Variants in MID1 observed in about 807,000 individuals in gnomAD.
MID1 encodes the protein E3 ubiquitin-protein ligase Midline-1.
MID1 carries 7 observed loss-of-function variants against 40.4 expected under a neutral mutation model. The observed-to-expected ratio is 0.17, with a 90% confidence interval of 0.10 to 0.33. The LOEUF is 0.33. MID1 is among the 10% of genes least tolerant of loss of function. The pLI is 1.00. For synonymous variants in MID1, 229 were observed against 221.2 expected, an observed-to-expected ratio of 1.04 and a Z score of -0.31; for missense variants, 367 against 558.5, an observed-to-expected ratio of 0.66 and a Z score of 3.46.
At chrX:10,576,077 T>A (rs1047358473) in intron 1 of MID1, among the ~76,000 whole-genome samples, 1 of 109,602 alleles carries the variant, frequency 9.1e-6, no homozygotes, top group Non-Finnish European at 1.9e-5. Flanking sequence ...ATACAATAGA[T>A]ATTTTGAATA....
At chrX:10,488,443 C>T (rs1930744278) in intron 4 of MID1, among the ~76,000 whole-genome samples, 1 of 112,142 alleles carries the variant, frequency 8.9e-6, no homozygotes, top group Non-Finnish European at 1.9e-5. Flanking sequence ...GGCTCTGGTT[C>T]CTTCACATTT....
At chrX:10,781,102 A>G (rs1390891478) in intron 1 of MID1, among the ~76,000 whole-genome samples, 5 of 112,013 alleles carry the variant, frequency 4.5e-5, no homozygotes, top group Non-Finnish European at 9.4e-5. Flanking sequence ...GGCTTAAATA[A>G]GTGAAGGGGA....
chrX:10,580,974 C>A (rs910594253), intron 1 of MID1, among the ~76,000 whole-genome samples: 12 of 106,162 alleles, frequency 1.1e-4, no homozygotes, highest in Non-Finnish European at 1.9e-4. Flanking sequence ...AGAGGTCAGG[C>A]GCAGTGGCTC....
At chrX:10,488,846 C>G (rs6640657) in intron 4 of MID1, among the ~76,000 whole-genome samples, 3,739 of 111,420 alleles carry the variant, frequency 0.034, 173 homozygotes, top group African/African-American at 0.12. Context: ...ATGCTTCCTG[C>G]CCTCGAACAT....
chrX:10,729,706 T>C (rs1314921060), intron 1 of MID1, among the ~76,000 whole-genome samples: 2 of 112,195 alleles, frequency 1.8e-5, no homozygotes, highest in African/African-American at 6.5e-5. Flanking sequence ...CATGAACTCA[T>C]TAAAATAATC....
At chrX:10,517,142 C>T (rs1333622915) in intron 3 of MID1, among the ~76,000 whole-genome samples, 3 of 111,127 alleles carry the variant, frequency 2.7e-5, no homozygotes, top group Non-Finnish European at 5.7e-5. Context: ...CCTCATGGGT[C>T]GTGGGAAGGA....
chrX:10,630,495 G>A (rs745734008), intron 1 of MID1, among the ~76,000 whole-genome samples: 3 of 109,173 alleles, frequency 2.7e-5, no homozygotes, highest in Non-Finnish European at 5.7e-5. Context: ...ACAGTAGTAG[G>A]AGCTGAAGTC....
chrX:10,502,560 G>A (rs1044630569), intron 3 of MID1, among the ~76,000 whole-genome samples: 6 of 111,218 alleles, frequency 5.4e-5, no homozygotes, highest in Admixed American at 3.8e-4. Flanking sequence ...CTCTCACCCC[G>A]GCCCACCATT....
intron 2 of MID1, among the ~76,000 whole-genome samples, chrX:10,535,449 A>T (rs1371370258): frequency 8.9e-5 from 10 of 112,727 alleles, no homozygotes; most frequent in Admixed American, 2.8e-4. Flanking sequence ...ATGTAGAAGT[A>T]TAAATTTATG....
intron 1 of MID1, among the ~76,000 whole-genome samples, chrX:10,763,920 T>C (rs1290660281): frequency 8.9e-6 from 1 of 112,453 alleles, no homozygotes; most frequent in Non-Finnish European, 1.9e-5. Context: ...TAGCCAGTGA[T>C]GATGAGCATT....
intron 1 of MID1, among the ~76,000 whole-genome samples, chrX:10,782,949 T>G (rs1215371374): frequency 2.7e-5 from 3 of 111,586 alleles, no homozygotes; most frequent in Admixed American, 1.9e-4. Context: ...GTGCCAGCAC[T>G]TGGTGTTTTA....
chrX:10,506,340 A>G (rs1931831887), intron 3 of MID1: 1 of 1,089,978 alleles, frequency 9.2e-7, no homozygotes, highest in Non-Finnish European at 1.2e-6. Context: ...GGATGGTCAA[A>G]TTGTTGCCAG....
chrX:10,817,578 T>C (rs865947379), intron 1 of MID1, among the ~76,000 whole-genome samples: 16 of 94,436 alleles, frequency 1.7e-4, no homozygotes, highest in African/African-American at 3.1e-4. Flanking sequence ...CTTTCTCTCT[T>C]TCTTTCTTTC....
At chrX:10,562,491 A>G (rs1270560241) in intron 2 of MID1, among the ~76,000 whole-genome samples, 1 of 105,444 alleles carries the variant, frequency 9.5e-6, no homozygotes, top group Non-Finnish European at 1.9e-5. Context: ...GAAATTTTGA[A>G]GATACAATAA....
intron 1 of MID1, among the ~76,000 whole-genome samples, chrX:10,670,677 T>C (rs2042982147): frequency 8.9e-6 from 1 of 112,364 alleles, no homozygotes; most frequent in African/African-American, 3.2e-5. Flanking sequence ...CCCAACATTC[T>C]TTAAACACAC....
At chrX:10,632,502 G>A (rs1353621560) in intron 1 of MID1, among the ~76,000 whole-genome samples, 2 of 111,438 alleles carry the variant, frequency 1.8e-5, no homozygotes, top group African/African-American at 6.5e-5. Flanking sequence ...GAATTTTGAT[G>A]AGTAGCCAAG....
At chrX:10,629,136 A>G (rs1481574851) in intron 1 of MID1, among the ~76,000 whole-genome samples, 1 of 111,466 alleles carries the variant, frequency 9.0e-6, no homozygotes, top group Admixed American at 9.5e-5. Context: ...AAAGTCTCTC[A>G]TGTTGCACCT....
At chrX:10,614,548 G>A (rs1320220010) in intron 1 of MID1, among the ~76,000 whole-genome samples, 1 of 112,147 alleles carries the variant, frequency 8.9e-6, no homozygotes, top group Non-Finnish European at 1.9e-5. Context: ...AGAGTCATGA[G>A]CTTTGGCTCA....
At chrX:10,777,452 C>T (rs1412878574) in intron 1 of MID1, among the ~76,000 whole-genome samples, 1 of 109,732 alleles carries the variant, frequency 9.1e-6, no homozygotes, top group African/African-American at 3.3e-5. Context: ...CCGCCTCGGC[C>T]TCCCAAAGTG....
Sources: gnomAD v4.1 joint callset for allele counts (sites outside exome capture counted in the v4.1 genomes callset) on GRCh38, gnomAD v4.1.1 for gene constraint, MANE v1.5 for transcripts, NCBI Gene and HGNC (gene_info 2026-07-23, HGNC 2026-07-21) for gene names.